EVL: variants seen among roughly 807,000 people sequenced by gnomAD.
EVL encodes ena/VASP-like protein.
EVL carries 21 observed loss-of-function variants against 59.6 expected under a neutral mutation model. The ratio of observed to expected loss-of-function variants is 0.35; its 90% CI spans 0.25 to 0.51. The LOEUF (loss-of-function observed/expected upper bound fraction) is 0.51, where lower values mean the gene tolerates loss of function less well. EVL is among the 20% of genes least tolerant of loss of function. The pLI is 0.97. For missense variants in EVL, 462 were observed against 546.6 expected (o/e 0.85, Z 1.54); for synonymous variants, 198 against 203.5 (o/e 0.97, Z 0.23).
At chr14:100,013,948 G>C (rs1204362042) in intron 1 of EVL, among the ~76,000 whole-genome samples, 1 of 152,174 alleles carries the variant, frequency 6.6e-6, no homozygotes, top group Non-Finnish European at 1.5e-5. Flanking sequence ...TTTTGATATA[G>C]GCAGATATGT....
intron 3 of EVL, chr14:100,106,543 T>C (rs1006240780): frequency 4.2e-6 from 1 of 235,722 alleles, no homozygotes; most frequent in African/African-American, 2.2e-5. Context: ...TGTGTTGTAA[T>C]GCACATTTTA....
chr14:100,049,046 A>G (rs1247462146), intron 1 of EVL, among the ~76,000 whole-genome samples: 1 of 152,218 alleles, frequency 6.6e-6, no homozygotes, highest in African/African-American at 2.4e-5. Context: ...TAGGTGTTAC[A>G]TTCATGGAAA....
intron 1 of EVL, among the ~76,000 whole-genome samples, chr14:100,069,706 C>G (rs1270863952): frequency 6.6e-6 from 1 of 152,106 alleles, no homozygotes. Flanking sequence ...CTAGGTTATT[C>G]TCATGAGAAT....
At chr14:100,122,086 C>T (rs573460158) in intron 3 of EVL, among the ~76,000 whole-genome samples, 15 of 152,330 alleles carry the variant, frequency 9.8e-5, no homozygotes, top group Admixed American at 8.5e-4. Context: ...AAGTCCCGGA[C>T]GTGGAGCTGA....
At chr14:100,003,689 G>A (rs1158588354) in intron 1 of EVL, among the ~76,000 whole-genome samples, 4 of 152,080 alleles carry the variant, frequency 2.6e-5, no homozygotes. Flanking sequence ...AAAGCACTGG[G>A]AATACAGGCG....
intron 1 of EVL, among the ~76,000 whole-genome samples, chr14:99,992,420 T>C (rs2060881514): frequency 6.6e-6 from 1 of 152,232 alleles, no homozygotes; most frequent in South Asian, 2.1e-4. Flanking sequence ...CTTTGTTGAT[T>C]GTTTTCTTTT....
chr14:100,125,668 G>A (rs1301963804), intron 4 of EVL, among the ~76,000 whole-genome samples: 10 of 151,512 alleles, frequency 6.6e-5, no homozygotes, highest in Non-Finnish European at 1.2e-4. Flanking sequence ...AGATTCTTCT[G>A]CCTCAGCCCC....
chr14:100,126,840 A>G, intron 5 of EVL, 69 bp downstream of exon 5: 1 of 1,508,556 alleles, frequency 6.6e-7, no homozygotes, highest in Non-Finnish European at 9.1e-7. Flanking sequence ...CACGTAGATG[A>G]GGCCCAGGGA....
At chr14:100,073,615 C>A (rs967715873) in intron 1 of EVL, among the ~76,000 whole-genome samples, 14 of 151,996 alleles carry the variant, frequency 9.2e-5, no homozygotes, top group East Asian at 5.8e-4. Context: ...CCACTGTGCC[C>A]GGCCCTTGTT....
intron 1 of EVL, among the ~76,000 whole-genome samples, chr14:99,992,092 G>GT (rs1305066917): frequency 1.3e-5 from 2 of 152,120 alleles, no homozygotes; most frequent in African/African-American, 4.8e-5. Context: ...AGTGGTTCCA[G>GT]TTTCTCTGCA....
intron 3 of EVL, among the ~76,000 whole-genome samples, chr14:100,099,380 A>C (rs1886045566): frequency 6.6e-6 from 1 of 152,078 alleles, no homozygotes; most frequent in South Asian, 2.1e-4. Context: ...ACATACAAAC[A>C]CACACCCACA....
At position 100,071,576 on chromosome 14, in the gene EVL, T is replaced by A. The variant is rs142986110; in HGVS notation, c.11+6065T>A. Among the ~76,000 whole-genome samples, 6 of 152,340 alleles carry A rather than the reference T, an allele frequency of 3.9e-5. No homozygotes were observed. In the East Asian group the frequency reaches 9.6e-4, roughly 24 times the overall value. On this transcript the variant is annotated intron_variant, in intron 1 of 13. Coordinates refer to ENST00000392920, the MANE Select transcript of EVL (RefSeq NM_016337.3). ...TCAAATAAGGTGAATATGGATAGAC[T>A]TAACCTACATAAAACAGAAGCTTTT...
chr14:100,039,159 T>C (rs1462171402), intron 1 of EVL, among the ~76,000 whole-genome samples: 1 of 152,220 alleles, frequency 6.6e-6, no homozygotes, highest in Non-Finnish European at 1.5e-5. Context: ...ATTCCTCATA[T>C]GAATACCCCA....
chr14:100,067,468 G>C (rs2061955421), intron 1 of EVL, among the ~76,000 whole-genome samples: 1 of 152,174 alleles, frequency 6.6e-6, no homozygotes, highest in Non-Finnish European at 1.5e-5. Flanking sequence ...TAATCCTGAA[G>C]GTAGTGTTGT....
intron 1 of EVL, among the ~76,000 whole-genome samples, chr14:100,067,148 G>T (rs1392560595): frequency 1.3e-5 from 2 of 152,176 alleles, no homozygotes; most frequent in East Asian, 3.9e-4. Flanking sequence ...TCTGCCACAG[G>T]TCCCTGGCCT....
intron 1 of EVL, among the ~76,000 whole-genome samples, chr14:99,999,025 CTTTATAA>C (rs1174366706): frequency 8.7e-5 from 13 of 149,196 alleles, no homozygotes; most frequent in Admixed American, 8.6e-4. Flanking sequence ...GTTTATTATA[CTTTATAA>C]TTTATAAATT....
intron 1 of EVL, among the ~76,000 whole-genome samples, chr14:100,041,451 A>G (rs1048157629): frequency 3.9e-5 from 6 of 152,226 alleles, no homozygotes; most frequent in Middle Eastern, 3.2e-3. Flanking sequence ...ATGTGGGCAG[A>G]AGGAGGGATG....
chr14:100,030,627 A>C (rs2061299775), intron 1 of EVL, among the ~76,000 whole-genome samples: 1 of 152,234 alleles, frequency 6.6e-6, no homozygotes, highest in South Asian at 2.1e-4. Flanking sequence ...CATGTTTGCT[A>C]CTGAAATGTT....
intron 1 of EVL, among the ~76,000 whole-genome samples, chr14:100,045,292 T>C (rs2061530259): frequency 6.6e-6 from 1 of 152,222 alleles, no homozygotes; most frequent in East Asian, 1.9e-4. Context: ...TTTTTAAGTT[T>C]CCAGAGTAAT....
Sources: gnomAD v4.1 joint callset for allele counts (sites outside exome capture counted in the v4.1 genomes callset) on GRCh38, gnomAD v4.1.1 for gene constraint, MANE v1.5 for transcripts, NCBI Gene and HGNC (gene_info 2026-07-23, HGNC 2026-07-21) for gene names.